Variants in BCL11B observed in about 807,000 individuals in gnomAD.
BCL11B encodes the protein B-cell lymphoma/leukemia 11B.
BCL11B carries 8 observed loss-of-function variants against 49.9 expected under a neutral mutation model. The observed-to-expected ratio is 0.16, with a 90% confidence interval of 0.09 to 0.29. The LOEUF is 0.29. Ranked by LOEUF, BCL11B falls within the 10% of genes least tolerant of loss-of-function variation. BCL11B has a pLI of 1.00. For synonymous variants in BCL11B, 739 were observed against 637.4 expected (o/e 1.16, Z -2.40); for missense variants, 1,006 against 1,351.0 (o/e 0.74, Z 4.00).
chr14:99,170,963 C>T lies in BCL11B; in HGVS notation c.*3188G>A, dbSNP rs988931795. 8.6e-6 allele frequency: 2 copies of T among 232,468 alleles called. No homozygotes were observed. The highest frequency in any genetic ancestry group is 1.7e-5 in the Non-Finnish European group (2 of 117,652). 14.4% of individuals were successfully genotyped at this position (232,468 alleles called of 1,614,324 possible). ...AGGGCGGGAGAGGTGGTGGTGGTGA[C>T]CGCCACAGGAGTGATGGTAGAGAAG... On this transcript the variant is annotated 3_prime_UTR_variant, in exon 4 of 4. Coordinates refer to ENST00000357195, the MANE Select transcript of BCL11B (RefSeq NM_138576.4).
intron 3 of BCL11B, among the ~76,000 whole-genome samples, chr14:99,217,133 C>G: frequency 6.6e-6 from 1 of 152,112 alleles, no homozygotes; most frequent in Non-Finnish European, 1.5e-5. Flanking sequence ...TATGTGCACA[C>G]ACAAATACGT....
chr14:99,263,879 G>A (rs1041433486), intron 1 of BCL11B, among the ~76,000 whole-genome samples: 1 of 152,158 alleles, frequency 6.6e-6, no homozygotes, highest in African/African-American at 2.4e-5. Flanking sequence ...ACATACTCAG[G>A]TATATTCACA....
intron 3 of BCL11B, among the ~76,000 whole-genome samples, chr14:99,203,199 G>T (rs2693683): frequency 0.17 from 25,225 of 152,160 alleles, 3,196 homozygotes; most frequent in East Asian, 0.46. Flanking sequence ...ATGGCCGCAG[G>T]GAGCAGAACA....
intron 2 of BCL11B, among the ~76,000 whole-genome samples, chr14:99,246,271 G>T (rs529870883): frequency 6.6e-6 from 1 of 152,348 alleles, no homozygotes; most frequent in Admixed American, 6.5e-5. Context: ...CTCGCCGCCC[G>T]GCTCAGGCAG....
In BCL11B at chr14:99,271,305, T is replaced by C. The variant is rs1463969371; in HGVS notation, c.-87A>G. 1.2e-5 allele frequency: 10 copies of C among 850,892 alleles called. No individual in the cohort carries two copies. The highest frequency in any genetic ancestry group is 5.1e-5 in the South Asian group (1 of 19,454). The allele number at this position is 850,892 out of a possible 1,614,324, so 52.7% of individuals were successfully genotyped here. A position where few individuals can be genotyped will look rare whatever the true frequency, so the allele number is the denominator to read the frequency against. On this transcript the variant is annotated 5_prime_UTR_variant, in exon 1 of 4. Transcript: ENST00000357195. Reference sequence around the variant, plus strand: ...GGGGTCCGAGCCGCCGCCGCGCCGCTGCCGCCGCTGCCGCCGCCGCCGCCG... The same window carrying C: ...GGGGTCCGAGCCGCCGCCGCGCCGCCGCCGCCGCTGCCGCCGCCGCCGCCG...
chr14:99,256,476 TA>T (rs1889167432), intron 2 of BCL11B, among the ~76,000 whole-genome samples: 1 of 152,210 alleles, frequency 6.6e-6, no homozygotes, highest in African/African-American at 2.4e-5. Context: ...CTCGTCTGCA[TA>T]AACTCTGATG....
At position 99,192,403 on chromosome 14, in the gene BCL11B, A is replaced by G. The variant is rs1215087920; in HGVS notation, c.641-16208T>C. Among the ~76,000 whole-genome samples, 1 of 152,174 alleles carries G rather than the reference A, an allele frequency of 6.6e-6. No homozygotes were observed. The highest frequency in any genetic ancestry group is 2.4e-5 in the African/African-American group (1 of 41,446). On this transcript the variant is annotated intron_variant, in intron 3 of 3. Transcript: ENST00000357195. The surrounding 1 kb of genome is among the most constrained non-coding windows in gnomAD (Gnocchi z 4.0). ...CTTTCGGGGCCCCGCTCGCCACAAT[A>G]GGGACTGTAAACTGGGGCTGGTGCT...
At chr14:99,182,530 G>T (rs187120495) in intron 3 of BCL11B, among the ~76,000 whole-genome samples, 3 of 152,290 alleles carry the variant, frequency 2.0e-5, no homozygotes, top group African/African-American at 7.2e-5. Flanking sequence ...GGCTAGAATT[G>T]CAGTAACTCC....
At position 99,247,126 on chromosome 14, in the gene BCL11B, GC is replaced by G. The variant is rs902239456; in HGVS notation, c.427+10344del. 3.9e-5 allele frequency among the ~76,000 whole-genome samples: 6 copies of G among 152,142 alleles called. No homozygotes were observed. The highest frequency in any genetic ancestry group is 7.4e-5 in the Non-Finnish European group (5 of 68,022). ...TGTGGACCTTGTTTTGCTCCTCGGG[GC>G]CCGTCTGTTTCTGGAAATGACTTCT... On this transcript the variant is annotated intron_variant, in intron 2 of 3. Coordinates refer to ENST00000357195, the MANE Select transcript of BCL11B (RefSeq NM_138576.4). The surrounding 1 kb of genome is among the most constrained non-coding windows in gnomAD (Gnocchi z 4.5).
At chr14:99,245,505 G>A (rs540395449) in intron 2 of BCL11B, among the ~76,000 whole-genome samples, 2 of 152,242 alleles carry the variant, frequency 1.3e-5, no homozygotes, top group South Asian at 4.1e-4. Context: ...GGAACTCCCG[G>A]AGGCTCCTTC....
At chr14:99,259,455 G>A (rs573758985) in intron 1 of BCL11B, among the ~76,000 whole-genome samples, 1 of 152,312 alleles carries the variant, frequency 6.6e-6, no homozygotes, top group South Asian at 2.1e-4. Flanking sequence ...GATGTAAGAC[G>A]TACAACGCGC....
intron 1 of BCL11B, among the ~76,000 whole-genome samples, chr14:99,261,729 G>A (rs970181774): frequency 1.3e-5 from 2 of 152,168 alleles, no homozygotes; most frequent in Admixed American, 6.5e-5. Flanking sequence ...ATTATGAGCC[G>A]AATAAAGTAG....
chr14:99,242,505 C>T lies in BCL11B; in HGVS notation c.428-10948G>A, dbSNP rs1356550630. ...GGCTCCAAGCCTGCACCATCGCAGACTCCAGGTATCTGCCGTTCCCCACTC... is the reference window on the plus strand; with the variant it reads ...GGCTCCAAGCCTGCACCATCGCAGATTCCAGGTATCTGCCGTTCCCCACTC... On this transcript the variant is annotated intron_variant, in intron 2 of 3. Transcript: ENST00000357195. This position sits in a 1 kb window ranked among gnomAD's most constrained non-coding sequence, Gnocchi z 4.4. Among the ~76,000 whole-genome samples, 1 of 152,178 alleles carries T rather than the reference C, an allele frequency of 6.6e-6. No individual in the cohort carries two copies. The highest frequency in any genetic ancestry group is 2.4e-5 in the African/African-American group (1 of 41,450).
intron 3 of BCL11B, among the ~76,000 whole-genome samples, chr14:99,224,641 G>C (rs977001462): frequency 2.6e-5 from 4 of 152,164 alleles, no homozygotes; most frequent in Non-Finnish European, 4.4e-5. Context: ...ATTCCCCCAG[G>C]TGCTGGTCAT....
chr14:99,207,446 G>T (rs140455803), intron 3 of BCL11B, among the ~76,000 whole-genome samples: 1 of 152,126 alleles, frequency 6.6e-6, no homozygotes, highest in Non-Finnish European at 1.5e-5. Context: ...ATGAAGCTGA[G>T]GGAGCTTTGG....
chr14:99,234,390 G>C (rs921761043), intron 2 of BCL11B, among the ~76,000 whole-genome samples: 4 of 152,184 alleles, frequency 2.6e-5, no homozygotes, highest in African/African-American at 9.7e-5. Flanking sequence ...CCTCAGAGGA[G>C]GGGTATTTGC....
intron 3 of BCL11B, among the ~76,000 whole-genome samples, chr14:99,197,079 AG>A (rs1266536188): frequency 6.6e-6 from 1 of 152,202 alleles, no homozygotes; most frequent in Non-Finnish European, 1.5e-5. Context: ...ATTTTGTTAC[AG>A]GTGAAGGAAC....
intron 3 of BCL11B, among the ~76,000 whole-genome samples, chr14:99,199,696 G>GCT (rs1555378702): frequency 1.3e-5 from 1 of 77,892 alleles, no homozygotes; most frequent in South Asian, 3.5e-4. Context: ...GCGCGCGCGC[G>GCT]CACGTGCACG....
chr14:99,199,690 G>GCGCGCGCA (rs1404963521), intron 3 of BCL11B, among the ~76,000 whole-genome samples: 2 of 64,350 alleles, frequency 3.1e-5, no homozygotes, highest in South Asian at 7.5e-4. Context: ...GTGTGCGCGC[G>GCGCGCGCA]CGCGCGCACG....
Sources: allele counts gnomAD v4.1 joint callset (sites outside exome capture counted in the v4.1 genomes callset), GRCh38; gene constraint gnomAD v4.1.1; non-coding constraint Gnocchi (gnomAD v3.1); transcripts MANE v1.5; gene names NCBI Gene and HGNC (gene_info 2026-07-23, HGNC 2026-07-21).